Variants in GPM6A observed in about 807,000 individuals in gnomAD.
GPM6A encodes the protein neuronal membrane glycoprotein M6-a.
Under a neutral mutation model 32.1 loss-of-function variants are expected in GPM6A, and 7 were observed. That is an observed-to-expected ratio of 0.22 (90% CI 0.12 to 0.41). The LOEUF (loss-of-function observed/expected upper bound fraction) is 0.41, where lower values mean the gene tolerates loss of function less well. Among genes scored for constraint, GPM6A ranks in the 10% least tolerant of loss-of-function variants. GPM6A has a pLI of 1.00. For synonymous variants in GPM6A, 130 were observed against 123.4 expected (o/e 1.05, Z -0.35); for missense variants, 235 against 347.2 (o/e 0.68, Z 2.57).
chr4:175,902,870 C>A (rs1008039895), intron 1 of GPM6A, among the ~76,000 whole-genome samples: 1 of 152,034 alleles, frequency 6.6e-6, no homozygotes, highest in African/African-American at 2.4e-5. Context: ...TCAGCTATTA[C>A]CCCAGATGAA....
chr4:175,860,521 A>G (rs549051399), intron 1 of GPM6A, among the ~76,000 whole-genome samples: 29 of 152,206 alleles, frequency 1.9e-4, no homozygotes, highest in Non-Finnish European at 3.7e-4. Flanking sequence ...TCTGAATAGC[A>G]CTATATTTGT....
chr4:175,673,809 G>A lies in GPM6A; in HGVS notation c.258C>T (p.Tyr86=), dbSNP rs747238866. 2.0e-5 allele frequency: 32 copies of A among 1,606,412 alleles called. No homozygotes were observed. The highest frequency in any genetic ancestry group is 6.7e-5 in the East Asian group (3 of 44,840). ...ACACAAAGAACGCAGCTGCGATGCC[G>A]TAGATCACATACTTAAAGATGTCAA... The part of the protein sequence containing the change: ...TMIDIFKYVI[Y]GIAAAFFVYG... Residue 86 remains tyrosine (Y), a synonymous_variant, in exon 3 of 7, where the codon TAC becomes TAT. Coordinates refer to ENST00000393658, the MANE Select transcript of GPM6A (RefSeq NM_201591.3).
intron 1 of GPM6A, among the ~76,000 whole-genome samples, chr4:175,781,003 A>G (rs1698722722): frequency 6.6e-6 from 1 of 152,126 alleles, no homozygotes; most frequent in South Asian, 2.1e-4. Flanking sequence ...ATGATCCATC[A>G]ATTAGAAGGG....
chr4:175,788,028 C>T (rs949642644), intron 1 of GPM6A: 1 of 152,146 alleles, frequency 6.6e-6, no homozygotes, highest in Non-Finnish European at 1.5e-5. Context: ...TTTCCATCTA[C>T]ACTCTTCTCA....
Position 175,834,281 on chromosome 4 carries a change from G to A in GPM6A, c.-22-22032C>T, listed in dbSNP as rs138569157. On this transcript the variant is annotated intron_variant, in intron 1 of 7. Coordinates refer to the GPM6A transcript ENST00000280187. Reference sequence around the variant, plus strand: ...TGGCAGTGGGGGAGGGCAAGTATATGCTTCCACAAAAGGACAAAAGACTCC... The same window carrying A: ...TGGCAGTGGGGGAGGGCAAGTATATACTTCCACAAAAGGACAAAAGACTCC... 8.3e-3 allele frequency among the ~76,000 whole-genome samples: 1,270 copies of A among 152,268 alleles called. 18 individuals carry two copies. The highest frequency in any genetic ancestry group is 0.017 in the Middle Eastern group (5 of 294).
upstream of GPM6A, among the ~76,000 whole-genome samples, chr4:175,815,944 C>T (rs1735086508): frequency 6.6e-6 from 1 of 151,888 alleles, no homozygotes; most frequent in Admixed American, 6.6e-5. Context: ...CTCGAACTCC[C>T]AACCTCAGGT....
At chr4:175,665,301 G>A (rs1742683486) in intron 3 of GPM6A, among the ~76,000 whole-genome samples, 1 of 151,980 alleles carries the variant, frequency 6.6e-6, no homozygotes. Flanking sequence ...AGTCTCCCAT[G>A]TATTCTGACT....
intron 4 of GPM6A, among the ~76,000 whole-genome samples, chr4:175,644,723 T>C (rs539854229): frequency 1.3e-5 from 2 of 152,228 alleles, no homozygotes; most frequent in East Asian, 3.9e-4. Flanking sequence ...ATTGAATATA[T>C]ATATTTATTA....
At chr4:175,811,887 T>C (rs1734933739) in intron 1 of GPM6A, 1 of 225,168 alleles carries the variant, frequency 4.4e-6, no homozygotes. Context: ...TCGGCAAGTG[T>C]GAAATCACGA....
intron 1 of GPM6A, among the ~76,000 whole-genome samples, chr4:175,837,077 G>A (rs1223311863): frequency 1.3e-5 from 2 of 152,092 alleles, no homozygotes; most frequent in African/African-American, 4.8e-5. Flanking sequence ...AGAGAGAGGT[G>A]GATCAGAGTC....
intron 2 of GPM6A, among the ~76,000 whole-genome samples, chr4:175,681,073 A>G (rs760138366): frequency 2.6e-5 from 4 of 152,238 alleles, no homozygotes; most frequent in Non-Finnish European, 5.9e-5. Flanking sequence ...AACTTTGTTC[A>G]TATGTATTTT....
intron 1 of GPM6A, among the ~76,000 whole-genome samples, chr4:175,727,413 A>G (rs1364065942): frequency 6.6e-6 from 1 of 152,246 alleles, no homozygotes; most frequent in Non-Finnish European, 1.5e-5. Context: ...TGGAGAATGC[A>G]ACATAGGGAA....
At chr4:175,743,223 G>C (rs1350275279) in intron 1 of GPM6A, among the ~76,000 whole-genome samples, 8 of 151,762 alleles carry the variant, frequency 5.3e-5, no homozygotes, top group Non-Finnish European at 1.2e-4. Context: ...CAAAATATAA[G>C]TACAATTAAC....
chr4:175,787,708 T>C, intron 1 of GPM6A: 1 of 672,174 alleles, frequency 1.5e-6, no homozygotes, highest in Non-Finnish European at 1.9e-6. Flanking sequence ...AATCTGTTCC[T>C]TTTGCTCTCA....
At chr4:175,826,823 A>G (rs1233736573) in intron 1 of GPM6A, among the ~76,000 whole-genome samples, 1 of 149,714 alleles carries the variant, frequency 6.7e-6, no homozygotes, top group African/African-American at 2.4e-5. Flanking sequence ...GCCTTTTAGG[A>G]AAAAAAAAAG....
intron 3 of GPM6A, among the ~76,000 whole-genome samples, chr4:175,664,739 C>A (rs73018174): frequency 0.05 from 7,542 of 152,192 alleles, 205 homozygotes; most frequent in Non-Finnish European, 0.061. Flanking sequence ...TTCTATCCTC[C>A]CAACCCAAGA....
At chr4:175,770,162 T>C (rs1237398812) in intron 1 of GPM6A, among the ~76,000 whole-genome samples, 2 of 152,084 alleles carry the variant, frequency 1.3e-5, no homozygotes, top group African/African-American at 4.8e-5. Flanking sequence ...AAGTAGCTGA[T>C]ATTACAGGCA....
chr4:175,827,325 T>C (rs1735469777), intron 1 of GPM6A, among the ~76,000 whole-genome samples: 1 of 152,236 alleles, frequency 6.6e-6, no homozygotes, highest in African/African-American at 2.4e-5. Flanking sequence ...AGAGCTTATA[T>C]ATGCCAACCG....
intron 1 of GPM6A, among the ~76,000 whole-genome samples, chr4:175,819,911 T>C (rs1166516844): frequency 6.6e-6 from 1 of 152,152 alleles, no homozygotes; most frequent in Non-Finnish European, 1.5e-5. Context: ...ATGATTCTCA[T>C]ACTCAAAGAA....
Sources: gnomAD v4.1 joint callset for allele counts (sites outside exome capture counted in the v4.1 genomes callset) on GRCh38, gnomAD v4.1.1 for gene constraint, MANE v1.5 for transcripts, NCBI Gene and HGNC (gene_info 2026-07-23, HGNC 2026-07-21) for gene names.